DCC: variants seen among roughly 807,000 people sequenced by gnomAD.
DCC encodes DCC netrin 1 receptor.
A neutral mutation model predicts 172.5 loss-of-function variants in DCC; 58 were observed. The ratio of observed to expected loss-of-function variants is 0.34; its 90% confidence interval spans 0.27 to 0.42. The LOEUF (loss-of-function observed/expected upper bound fraction) is 0.42. DCC is among the 10% of genes least tolerant of loss of function. The pLI, the probability that DCC is intolerant of heterozygous loss-of-function variation, is 1.00. For synonymous variants in DCC, 709 were observed against 644.5 expected (o/e 1.10, Z -1.52); for missense variants, 1,740 against 1,791.0 (o/e 0.97, Z 0.51).
At chr18:53,087,829 A>C (rs1376310691) in intron 7 of DCC, among the ~76,000 whole-genome samples, 1 of 152,116 alleles carries the variant, frequency 6.6e-6, no homozygotes, top group African/African-American at 2.4e-5. Flanking sequence ...ATGGCTAGCC[A>C]GTTTTCCCAG....
chr18:53,392,793 G>C (rs1908645827), intron 17 of DCC, among the ~76,000 whole-genome samples: 1 of 152,022 alleles, frequency 6.6e-6, no homozygotes, highest in African/African-American at 2.4e-5. Context: ...TATAATTTTA[G>C]GATGAATTAT....
chr18:52,406,889 A>G lies in DCC; in HGVS notation c.91+66011A>G, dbSNP rs1335092102. 5.9e-5 allele frequency among the ~76,000 whole-genome samples: 9 copies of G among 152,128 alleles called. No individual in the cohort carries two copies. The South Asian group carries it at 6.2e-4, about 11-fold the overall frequency. On this transcript the variant is annotated intron_variant, in intron 1 of 28. Coordinates refer to ENST00000442544, the MANE Select transcript of DCC (RefSeq NM_005215.4). ...TATTTGTTTTCCTTTTAATAAACCCATGTGTGAGTCTGTATGTATCTGTGT... is the reference window on the plus strand; with the variant it reads ...TATTTGTTTTCCTTTTAATAAACCCGTGTGTGAGTCTGTATGTATCTGTGT...
chr18:52,847,900 T>C (rs1168684767), intron 2 of DCC, among the ~76,000 whole-genome samples: 1 of 152,186 alleles, frequency 6.6e-6, no homozygotes, highest in Non-Finnish European at 1.5e-5. Context: ...GAGTAGGATA[T>C]AGTAATCTCT....
chr18:53,160,845 T>C (rs948589600), intron 8 of DCC, among the ~76,000 whole-genome samples: 1 of 152,206 alleles, frequency 6.6e-6, no homozygotes, highest in Non-Finnish European at 1.5e-5. Context: ...TGTGACTTTT[T>C]TTTCACCCAA....
intron 22 of DCC, among the ~76,000 whole-genome samples, chr18:53,444,917 G>T (rs570210499): frequency 2.0e-5 from 3 of 151,818 alleles, no homozygotes; most frequent in Admixed American, 1.3e-4. Context: ...GCTTCTTTTG[G>T]TTACAACATT....
At chr18:53,065,940 G>T (rs2042559583) in intron 6 of DCC, 106 bp from the exon 7 acceptor site, 1 of 1,393,284 alleles carries the variant, frequency 7.2e-7, no homozygotes, top group African/African-American at 1.4e-5. Flanking sequence ...CTCTCCTCTT[G>T]TTTCTTCTGT....
At chr18:52,700,440 C>T (rs1310805297) in intron 1 of DCC, among the ~76,000 whole-genome samples, 5 of 152,174 alleles carry the variant, frequency 3.3e-5, no homozygotes, top group Non-Finnish European at 7.3e-5. Flanking sequence ...ATATTCTTCC[C>T]TCCATGATGT....
At chr18:53,057,894 A>G (rs974259342) in intron 5 of DCC, among the ~76,000 whole-genome samples, 6 of 152,104 alleles carry the variant, frequency 3.9e-5, no homozygotes, top group Non-Finnish European at 7.4e-5. Context: ...GTTGGTAAAT[A>G]GTGATATATG....
chr18:53,405,205 AGAAAT>A (rs1331349954), intron 19 of DCC, among the ~76,000 whole-genome samples: 1 of 151,486 alleles, frequency 6.6e-6, no homozygotes, highest in Non-Finnish European at 1.5e-5. Context: ...AAAAAAAAAA[AGAAAT>A]GAGCTCTTTC....
chr18:53,131,667 C>CCTCATGATTTCAA (rs1225169466), intron 7 of DCC, among the ~76,000 whole-genome samples: 17 of 152,058 alleles, frequency 1.1e-4, no homozygotes, highest in African/African-American at 3.6e-4. Flanking sequence ...GAAATATGAG[C>CCTCATGATTTCAA]ACACTCATGA....
chr18:53,276,625 A>G (rs539345608), intron 12 of DCC, among the ~76,000 whole-genome samples: 2 of 152,282 alleles, frequency 1.3e-5, no homozygotes, highest in Non-Finnish European at 2.9e-5. Context: ...CTGAACCAGT[A>G]TGATTAATAA....
intron 1 of DCC, among the ~76,000 whole-genome samples, chr18:52,536,209 C>T (rs557698479): frequency 1.5e-4 from 23 of 151,896 alleles, no homozygotes; most frequent in Non-Finnish European, 1.9e-4. Context: ...TATGTCGGAG[C>T]CAGATTGTAA....
chr18:52,394,312 G>A (rs1986136932), intron 1 of DCC, among the ~76,000 whole-genome samples: 1 of 152,038 alleles, frequency 6.6e-6, no homozygotes, highest in Non-Finnish European at 1.5e-5. Flanking sequence ...TGTTGCCCAG[G>A]CTGGAGTGCA....
chr18:53,179,043 T>C lies in DCC; in HGVS notation c.1500T>C (p.Phe500=). ...GNLKPEAMYT[F]RVVAYNEWGP... ...TGAAGCCAGAAGCCATGTACACCTTTCGAGTTGTGGCTTACAATGAATGGG... is the reference window on the plus strand; with the variant it reads ...TGAAGCCAGAAGCCATGTACACCTTCCGAGTTGTGGCTTACAATGAATGGG... Residue 500 remains phenylalanine (F), a synonymous_variant, in exon 9 of 29, where the codon TTT becomes TTC. Transcript: ENST00000442544. 4.3e-6 allele frequency: 7 copies of C among 1,614,012 alleles called. No homozygotes were observed. The highest frequency in any genetic ancestry group is 5.1e-6 in the Non-Finnish European group (6 of 1,179,954).
At chr18:53,077,887 A>C (rs1209688865) in intron 7 of DCC, among the ~76,000 whole-genome samples, 2 of 152,186 alleles carry the variant, frequency 1.3e-5, no homozygotes, top group Non-Finnish European at 2.9e-5. Flanking sequence ...TTTAAAGTCT[A>C]GGATTCTGCC....
chr18:53,384,876 C>T (rs148595831), intron 15 of DCC, among the ~76,000 whole-genome samples: 333 of 151,128 alleles, frequency 2.2e-3, no homozygotes, highest in African/African-American at 7.9e-3. Flanking sequence ...GAGGCAGAGT[C>T]TCGCTGTGTC....
intron 7 of DCC, among the ~76,000 whole-genome samples, chr18:53,116,686 G>T (rs1262683727): frequency 6.6e-6 from 1 of 151,682 alleles, no homozygotes; most frequent in Non-Finnish European, 1.5e-5. Context: ...AAAGGAGGTT[G>T]CTTTAAATCC....
intron 1 of DCC, among the ~76,000 whole-genome samples, chr18:52,437,938 T>A (rs1443602111): frequency 6.6e-6 from 1 of 152,234 alleles, no homozygotes; most frequent in East Asian, 1.9e-4. Flanking sequence ...GAGTTTTGAA[T>A]GGGTATTTAG....
At chr18:53,486,505 C>T (rs944770873) in intron 25 of DCC, among the ~76,000 whole-genome samples, 1 of 152,084 alleles carries the variant, frequency 6.6e-6, no homozygotes, top group Non-Finnish European at 1.5e-5. Context: ...ACAACATGAC[C>T]GACATAAAAT....
Sources: gnomAD v4.1 joint callset for allele counts (sites outside exome capture counted in the v4.1 genomes callset) on GRCh38, gnomAD v4.1.1 for gene constraint, MANE v1.5 for transcripts, NCBI Gene and HGNC (gene_info 2026-07-23, HGNC 2026-07-21) for gene names.